Variants in NRXN1 observed in about 807,000 individuals in gnomAD.
NRXN1 encodes the protein neurexin-1.
In NRXN1, 39 loss-of-function variants were observed where a neutral mutation model predicts 150.9. That is an observed-to-expected ratio of 0.26 (90% CI 0.20 to 0.34). The LOEUF (loss-of-function observed/expected upper bound fraction) is 0.34. Among genes scored for constraint, NRXN1 ranks in the 10% least tolerant of loss-of-function variants. The probability of loss-of-function intolerance (pLI) is 1.00; values close to 1 mark genes in which losing one functional copy is unlikely to be tolerated. For synonymous variants in NRXN1, 924 were observed against 757.0 expected, an observed-to-expected ratio of 1.22 and a Z score of -3.62; for missense variants, 1,815 against 1,949.9, an observed-to-expected ratio of 0.93 and a Z score of 1.30.
At chr2:50,562,079 T>C (rs1432878372) in intron 8 of NRXN1, among the ~76,000 whole-genome samples, 1 of 152,156 alleles carries the variant, frequency 6.6e-6, no homozygotes, top group African/African-American at 2.4e-5. Flanking sequence ...TAGGGGAACC[T>C]ATCTTCCCAT....
At chr2:51,003,446 C>A (rs1342147965) in intron 2 of NRXN1, among the ~76,000 whole-genome samples, 2 of 151,878 alleles carry the variant, frequency 1.3e-5, no homozygotes, top group Non-Finnish European at 1.5e-5. Flanking sequence ...GCCTATTAAA[C>A]CTTTTATTGA....
chr2:50,639,109 A>G (rs1328546067), intron 5 of NRXN1, among the ~76,000 whole-genome samples: 1 of 152,078 alleles, frequency 6.6e-6, no homozygotes, highest in Non-Finnish European at 1.5e-5. Flanking sequence ...CTTGGCAAAG[A>G]CCACTCAGCT....
At chr2:50,304,829 A>G (rs2074467421) in intron 17 of NRXN1, among the ~76,000 whole-genome samples, 1 of 152,094 alleles carries the variant, frequency 6.6e-6, no homozygotes, top group Non-Finnish European at 1.5e-5. Context: ...GTGGTGGCTC[A>G]CGCTATAATC....
Position 50,815,180 on chromosome 2 carries a change from G to A in NRXN1, c.832+106689C>T, listed in dbSNP as rs1184872977. ...ATTGAGTAATTATGTTCCTTCTCAT[G>A]ACAACAAAACTACATTTTGAAACCT... On this transcript the variant is annotated intron_variant, in intron 5 of 22. Transcript: ENST00000401669. Among the ~76,000 whole-genome samples, 26 of 151,688 alleles carry A rather than the reference G, an allele frequency of 1.7e-4. 1 individual carries two copies. Among genetic ancestry groups the A allele is most frequent in the Admixed American group, 1.6e-3 (25 of 15,216 alleles).
chr2:50,399,653 C>T (rs1363300332), intron 17 of NRXN1, among the ~76,000 whole-genome samples: 1 of 151,682 alleles, frequency 6.6e-6, no homozygotes, highest in Non-Finnish European at 1.5e-5. Context: ...TAAGCAGGTT[C>T]GTGTGGCTCT....
chr2:50,894,334 A>AT (rs1681581298), intron 5 of NRXN1, among the ~76,000 whole-genome samples: 1 of 151,126 alleles, frequency 6.6e-6, no homozygotes, highest in African/African-American at 2.4e-5. Flanking sequence ...AAAACCAAAA[A>AT]AAAAAACCTG....
intron 17 of NRXN1, among the ~76,000 whole-genome samples, chr2:50,404,073 A>C (rs932681747): frequency 6.6e-6 from 1 of 151,510 alleles, no homozygotes; most frequent in Admixed American, 6.6e-5. Context: ...TTTTTCACTT[A>C]CTCCCTACCC....
At chr2:50,291,597 G>T (rs941668935) in intron 17 of NRXN1, among the ~76,000 whole-genome samples, 1 of 152,142 alleles carries the variant, frequency 6.6e-6, no homozygotes, top group East Asian at 1.9e-4. Flanking sequence ...CCCAATACCA[G>T]CTAGAAACAA....
intron 5 of NRXN1, among the ~76,000 whole-genome samples, chr2:50,862,623 G>T (rs887699331): frequency 1.3e-5 from 2 of 152,076 alleles, no homozygotes; most frequent in African/African-American, 4.8e-5. Flanking sequence ...TGGCCCTCAG[G>T]TTCTTCCTCT....
chr2:50,289,408 G>T (rs1442195315), intron 17 of NRXN1, among the ~76,000 whole-genome samples: 1 of 152,054 alleles, frequency 6.6e-6, no homozygotes, highest in Non-Finnish European at 1.5e-5. Flanking sequence ...AATTTTAGTA[G>T]TAATGCTTCC....
chr2:50,245,617 C>T (rs1434672554), intron 17 of NRXN1, among the ~76,000 whole-genome samples: 11 of 151,878 alleles, frequency 7.2e-5, no homozygotes, highest in Admixed American at 4.0e-4. Context: ...ATTAGCTGGT[C>T]GGTAGAAGTT....
chr2:50,858,365 T>G lies in NRXN1; in HGVS notation c.832+63504A>C, dbSNP rs60874656. ...CATTCTCAAGGACATCTGTGCTGAT[T>G]CCTTTTCAAACTTGGATGGCTGCTA... On this transcript the variant is annotated intron_variant, in intron 5 of 22. Transcript: ENST00000401669. Among the ~76,000 whole-genome samples, 1,107 of 152,218 alleles carry G rather than the reference T, an allele frequency of 7.3e-3. 14 individuals are homozygous for G. Among genetic ancestry groups the G allele is most frequent in the African/African-American group, 0.026 (1,073 of 41,542 alleles).
At chr2:50,946,415 A>G (rs1430889124) in intron 2 of NRXN1, among the ~76,000 whole-genome samples, 1 of 152,142 alleles carries the variant, frequency 6.6e-6, no homozygotes, top group Admixed American at 6.6e-5. Flanking sequence ...CCAAATGTGT[A>G]TCTATTGAGA....
chr2:50,982,915 G>A (rs1697064529), intron 2 of NRXN1, among the ~76,000 whole-genome samples: 2 of 151,916 alleles, frequency 1.3e-5, no homozygotes, highest in Non-Finnish European at 2.9e-5. Flanking sequence ...GAAGCTGCCT[G>A]AGAGTCATGA....
chr2:50,339,421 CAACA>C (rs1558556753), intron 17 of NRXN1, among the ~76,000 whole-genome samples: 1 of 152,062 alleles, frequency 6.6e-6, no homozygotes, highest in Non-Finnish European at 1.5e-5. Flanking sequence ...CTGAATTTCA[CAACA>C]AAAATGACTA....
At chr2:50,800,248 G>A (rs976242992) in intron 5 of NRXN1, among the ~76,000 whole-genome samples, 7 of 152,138 alleles carry the variant, frequency 4.6e-5, no homozygotes, top group Admixed American at 2.0e-4. Flanking sequence ...AATCTCTGAG[G>A]AGCCCAGTTT....
intron 18 of NRXN1, among the ~76,000 whole-genome samples, chr2:50,201,145 C>T (rs765465642): frequency 5.3e-5 from 8 of 152,106 alleles, no homozygotes; most frequent in South Asian, 2.1e-4. Context: ...TCCAAGGCAC[C>T]GTACTAAATG....
At chr2:50,240,466 C>G (rs974877138) in intron 17 of NRXN1, among the ~76,000 whole-genome samples, 1 of 151,646 alleles carries the variant, frequency 6.6e-6, no homozygotes, top group African/African-American at 2.4e-5. Flanking sequence ...TTTACAAAAT[C>G]TCCTATATTC....
At chr2:50,106,198 CT>C (rs142231875) in intron 18 of NRXN1, among the ~76,000 whole-genome samples, 13,512 of 151,744 alleles carry the variant, frequency 0.089, 699 homozygotes, top group Middle Eastern at 0.16. Flanking sequence ...AAATCAACCT[CT>C]ACATTATTAC....
Sources: allele counts gnomAD v4.1 joint callset (sites outside exome capture counted in the v4.1 genomes callset), GRCh38; gene constraint gnomAD v4.1.1; transcripts MANE v1.5; gene names NCBI Gene and HGNC (gene_info 2026-07-23, HGNC 2026-07-21).